Variants in PRH1 observed in about 807,000 individuals in gnomAD.
PRH1 encodes proline rich protein HaeIII subfamily 1, also known as salivary acidic proline-rich phosphoprotein 1/2.
Under a neutral mutation model 7.9 loss-of-function variants are expected in PRH1, and 7 were observed. That is an observed-to-expected ratio of 0.89 (90% CI 0.50 to 1.67). The LOEUF is 1.67. Among genes scored for constraint, PRH1 ranks in the 40% most tolerant of loss-of-function variants. The pLI is 0.00. For missense variants in PRH1, 109 were observed against 223.6 expected (o/e 0.49, Z 3.27); for synonymous variants, 45 against 80.8 (o/e 0.56, Z 2.38).
intron 2 of PRH1, among the ~76,000 whole-genome samples, chr12:10,935,225 C>T (rs1950270029): frequency 6.6e-6 from 1 of 152,074 alleles, no homozygotes; most frequent in African/African-American, 2.4e-5. Flanking sequence ...TGACTGCTGT[C>T]TTTTTGGCAA....
chr12:11,155,151 T>C (rs1028204035), intron 1 of PRH1, among the ~76,000 whole-genome samples: 1 of 152,216 alleles, frequency 6.6e-6, no homozygotes, highest in Admixed American at 6.5e-5. Flanking sequence ...GTAATTTTGA[T>C]TGAAGGGCTG....
rs973664361 is a variant in PRH1, at chr12:11,062,038, T to C, written n.124-14850A>G. The C allele has an allele frequency of 1.2e-5, 19 of 1,613,680 alleles. No homozygotes were observed. Among genetic ancestry groups the C allele is most frequent in the East Asian group, 2.2e-5 (1 of 44,872 alleles). ...GAAATGGTTGATTACTGCCCAGACA[T>C]TGTAAGCAGTAATTCTTACTTCTAT... is the stretch of plus-strand genomic sequence containing the variant. On this transcript the variant is annotated intron_variant and non_coding_transcript_variant, in intron 1 of 4. Transcript: ENST00000541977.
intron 1 of PRH1, among the ~76,000 whole-genome samples, chr12:11,004,810 T>C (rs1258575034): frequency 2.0e-5 from 3 of 152,058 alleles, no homozygotes; most frequent in Non-Finnish European, 1.5e-5. Flanking sequence ...GTTCATGGCA[T>C]ATTGTAGGGG....
At chr12:10,983,216 G>A (rs563251655) in intron 1 of PRH1, among the ~76,000 whole-genome samples, 7 of 152,140 alleles carry the variant, frequency 4.6e-5, no homozygotes, top group Non-Finnish European at 1.0e-4. Flanking sequence ...CTCCAGCAGA[G>A]GACTACCTTC....
At chr12:11,100,292 A>G (rs1945196888) in intron 1 of PRH1, among the ~76,000 whole-genome samples, 2 of 152,206 alleles carry the variant, frequency 1.3e-5, no homozygotes, top group Non-Finnish European at 2.9e-5. Context: ...TGACATGAAA[A>G]TGGTAATGAT....
chr12:10,987,234 C>G (rs146492888), intron 1 of PRH1, among the ~76,000 whole-genome samples: 1 of 152,024 alleles, frequency 6.6e-6, no homozygotes, highest in African/African-American at 2.4e-5. Context: ...CTTGTTTAAC[C>G]GATACGTAAT....
chr12:10,936,182 C>T (rs1565482826), intron 2 of PRH1, among the ~76,000 whole-genome samples: 1 of 150,544 alleles, frequency 6.6e-6, no homozygotes, highest in Non-Finnish European at 1.5e-5. Flanking sequence ...CAGCTTTCTT[C>T]CCTTAAAAAC....
chr12:11,141,658 G>A (rs566724777), intron 1 of PRH1, among the ~76,000 whole-genome samples: 5 of 152,192 alleles, frequency 3.3e-5, no homozygotes, highest in African/African-American at 1.2e-4. Flanking sequence ...GTCTTTCTGA[G>A]GAGTTAATAT....
chr12:10,946,034 T>C (rs1202267540), intron 2 of PRH1, among the ~76,000 whole-genome samples: 2 of 152,236 alleles, frequency 1.3e-5, no homozygotes, highest in Non-Finnish European at 2.9e-5. Flanking sequence ...TTTCATATTG[T>C]TCAAACACAC....
intron 2 of PRH1, among the ~76,000 whole-genome samples, chr12:10,944,333 G>A (rs1950451406): frequency 6.6e-6 from 1 of 151,974 alleles, no homozygotes. Flanking sequence ...TTTTGTGTGT[G>A]TGGCAATTGT....
intron 2 of PRH1, among the ~76,000 whole-genome samples, chr12:10,920,962 T>C (rs1950036916): frequency 1.3e-5 from 2 of 152,108 alleles, no homozygotes; most frequent in Non-Finnish European, 2.9e-5. Flanking sequence ...TTGCAACATC[T>C]GTTGAGATAA....
chr12:11,158,410 TATA>T (rs1439709738), intron 1 of PRH1, among the ~76,000 whole-genome samples: 1 of 152,140 alleles, frequency 6.6e-6, no homozygotes, highest in Non-Finnish European at 1.5e-5. Context: ...CTACTGTATT[TATA>T]ATTTTTTGTT....
intron 1 of PRH1, among the ~76,000 whole-genome samples, chr12:11,143,655 G>A (rs1202530989): frequency 6.6e-6 from 1 of 152,110 alleles, no homozygotes; most frequent in African/African-American, 2.4e-5. Context: ...ACACTCCATG[G>A]CAATGGAAGC....
chr12:10,940,896 G>A (rs1036484463), intron 2 of PRH1, among the ~76,000 whole-genome samples: 1 of 151,972 alleles, frequency 6.6e-6, no homozygotes, highest in Non-Finnish European at 1.5e-5. Context: ...GCAAAGCTAA[G>A]CAAAAATAAA....
chr12:11,055,292 A>G (rs1264621865), intron 1 of PRH1, among the ~76,000 whole-genome samples: 1 of 151,730 alleles, frequency 6.6e-6, no homozygotes, highest in Non-Finnish European at 1.5e-5. Flanking sequence ...GAAGGTGCCT[A>G]TGGGAAAATA....
intron 1 of PRH1, chr12:10,986,597 C>T (rs1449858513): frequency 6.2e-7 from 1 of 1,613,670 alleles, no homozygotes. Context: ...TGGTTACAAC[C>T]CAGGCATTAT....
intron 2 of PRH1, among the ~76,000 whole-genome samples, chr12:10,900,916 G>A (rs139463764): frequency 1.4e-4 from 21 of 152,226 alleles, no homozygotes; most frequent in Non-Finnish European, 2.2e-4. Flanking sequence ...CTTCCTTGAC[G>A]TAGGTCATGG....
chr12:11,151,673 G>T (rs1947089855), intron 1 of PRH1, among the ~76,000 whole-genome samples: 1 of 152,036 alleles, frequency 6.6e-6, no homozygotes, highest in Admixed American at 6.6e-5. Flanking sequence ...CTTTTCTGTG[G>T]AACTCATAAT....
At chr12:11,002,581 C>A (rs1289262461) in intron 1 of PRH1, among the ~76,000 whole-genome samples, 1 of 151,968 alleles carries the variant, frequency 6.6e-6, no homozygotes, top group African/African-American at 2.4e-5. Context: ...ATATAGCATA[C>A]AAACTGTATT....
Sources: allele counts gnomAD v4.1 joint callset (sites outside exome capture counted in the v4.1 genomes callset), GRCh38; gene constraint gnomAD v4.1.1; transcripts MANE v1.5; gene names NCBI Gene and HGNC (gene_info 2026-07-23, HGNC 2026-07-21).